NLRC5: variants seen among roughly 807,000 people sequenced by gnomAD.
NLRC5 encodes the protein NLR family CARD domain containing 5.
A neutral mutation model predicts 206.9 loss-of-function variants in NLRC5; 114 were observed. The ratio of observed to expected loss-of-function variants is 0.55; its 90% CI spans 0.47 to 0.64. The LOEUF is 0.64. NLRC5 is among the 30% of genes least tolerant of loss of function. The pLI is 0.00. For missense variants in NLRC5, 2,008 were observed against 2,305.5 expected, an observed-to-expected ratio of 0.87 and a Z score of 2.64; for synonymous variants, 952 against 962.8, an observed-to-expected ratio of 0.99 and a Z score of 0.21.
intron 38 of NLRC5, among the ~76,000 whole-genome samples, chr16:57,073,589 C>T (rs1167304498): frequency 1.3e-5 from 2 of 152,118 alleles, no homozygotes; most frequent in Non-Finnish European, 2.9e-5. Context: ...GCTTCTGCCT[C>T]TTATTTTATT....
chr16:57,058,904 A>T, intron 28 of NLRC5, 68 bp from the exon 29 acceptor site: 2 of 1,291,490 alleles, frequency 1.5e-6, no homozygotes, highest in Non-Finnish European at 2.3e-6. Flanking sequence ...AGGGAGATGG[A>T]GGGGGCTGGG....
At chr16:57,075,193 G>A (rs1009344676) in intron 39 of NLRC5, among the ~76,000 whole-genome samples, 29 of 151,946 alleles carry the variant, frequency 1.9e-4, no homozygotes, top group Admixed American at 4.6e-4. Flanking sequence ...GGCCTAAGGC[G>A]TTGCACCCAA....
chr16:57,018,318 T>C (rs1334921604), intron 2 of NLRC5, among the ~76,000 whole-genome samples: 1 of 152,252 alleles, frequency 6.6e-6, no homozygotes, highest in East Asian at 1.9e-4. Flanking sequence ...GGAAATTTAC[T>C]GGCCTGGGAG....
intron 21 of NLRC5, 31 bp from the exon 22 acceptor site, chr16:57,046,521 A>G (rs972108131): frequency 8.1e-6 from 13 of 1,596,124 alleles, no homozygotes; most frequent in Admixed American, 1.7e-5. Flanking sequence ...GGGTGATCTG[A>G]ACTTTCCTTT....
intron 45 of NLRC5, 120 bp downstream of exon 45, chr16:57,079,412 G>A: frequency 8.0e-6 from 11 of 1,381,748 alleles, no homozygotes; most frequent in Non-Finnish European, 1.0e-5. Context: ...GATGGTGGGG[G>A]CCTGGCTCAA....
chr16:57,028,942 C>T (rs1299641695), intron 8 of NLRC5, among the ~76,000 whole-genome samples: 1 of 152,164 alleles, frequency 6.6e-6, no homozygotes, highest in Admixed American at 6.5e-5. Context: ...GGACTCAGTA[C>T]CATGGGGAGG....
rs748026448 is a variant in NLRC5 at position 57,026,207 on chromosome 16, G to A, written c.1264G>A (p.Asp422Asn). ...TCTCTGCCTCCACCATCTGCTTCCT[G>A]ACCACGCCCCAGGCCAGTCTGTGGC... is the stretch of plus-strand genomic sequence containing the variant. ...ACLCLHHLLPDHAPGQSVALL... is the reference protein window; with the variant it reads ...ACLCLHHLLPNHAPGQSVALL... The change falls in exon 6 of 49, where the codon GAC (aspartate) becomes AAC (asparagine). Residue 422 changes from aspartate (D) to asparagine (N), a missense_variant. Coordinates refer to ENST00000688547, the MANE Select transcript of NLRC5 (RefSeq NM_001384950.1). 6.2e-7 allele frequency: 1 copy of A among 1,613,560 alleles called. No homozygotes were observed. Among genetic ancestry groups the A allele is most frequent in the African/African-American group, 1.3e-5 (1 of 74,912 alleles).
intron 10 of NLRC5, among the ~76,000 whole-genome samples, chr16:57,030,667 A>G (rs564776065): frequency 6.6e-6 from 1 of 151,468 alleles, no homozygotes; most frequent in South Asian, 2.1e-4. Flanking sequence ...TGGATGGATG[A>G]AGGAATGAGT....
At chr16:57,045,247 T>C (rs2063792245) in intron 20 of NLRC5, 1 of 589,626 alleles carries the variant, frequency 1.7e-6, no homozygotes, top group Non-Finnish European at 3.1e-6. Context: ...TCATTGTTTA[T>C]TGTGAGAATC....
At chr16:57,003,140 G>T (rs1016820864) in intron 1 of NLRC5, among the ~76,000 whole-genome samples, 5 of 151,978 alleles carry the variant, frequency 3.3e-5, no homozygotes, top group Admixed American at 2.0e-4. Context: ...GCTCACTGCC[G>T]CCTCCGTCTC....
rs1216780645 is a variant in NLRC5, at chr16:57,022,249, C to T, written c.296-7C>T. 3.1e-6 allele frequency: 5 copies of T among 1,610,836 alleles called. No homozygotes were observed. Among genetic ancestry groups the T allele is most frequent in the Middle Eastern group, 1.6e-4 (1 of 6,076 alleles). Reference sequence around the variant, plus strand: ...CATACCACATTATACTCTCCCCTCTCTTGCAGGGTTCACCAGCCAGCTGGG... The same window carrying T: ...CATACCACATTATACTCTCCCCTCTTTTGCAGGGTTCACCAGCCAGCTGGG... On this transcript the variant is annotated splice_region_variant and splice_polypyrimidine_tract_variant and intron_variant, in intron 3 of 48. Coordinates refer to ENST00000688547, the MANE Select transcript of NLRC5 (RefSeq NM_001384950.1).
intron 24 of NLRC5, chr16:57,052,555 G>A (rs56107702): frequency 0.077 from 11,678 of 152,202 alleles, 522 homozygotes; most frequent in African/African-American, 0.11. Flanking sequence ...GGGAGGCGGG[G>A]TGGGAAGCAG....
intron 48 of NLRC5, 87 bp from the exon 49 acceptor site, chr16:57,082,330 C>T (rs1372966310): frequency 1.9e-6 from 2 of 1,062,744 alleles, no homozygotes; most frequent in Non-Finnish European, 2.8e-6. Flanking sequence ...ACAGCTCTAC[C>T]TTTTTGGGCC....
intron 27 of NLRC5, among the ~76,000 whole-genome samples, chr16:57,057,025 G>A (rs779390795): frequency 2.6e-5 from 4 of 152,096 alleles, no homozygotes; most frequent in Non-Finnish European, 5.9e-5. Flanking sequence ...TTTAAATGAC[G>A]TTTCTCAGGA....
At position 57,081,193 on chromosome 16, in the gene NLRC5, C is replaced by T. The variant is rs200861047; in HGVS notation, c.5405+12C>T. 14 of 1,538,616 alleles carry T rather than the reference C, an allele frequency of 9.1e-6. No homozygotes were observed. The highest frequency in any genetic ancestry group is 2.7e-5 in the African/African-American group (2 of 73,170). ...CTGAAGAGAGTGGAGTATGAGGGGCCGGGGGAGGAATGGGACGGGCTAAAG... is the reference window on the plus strand; with the variant it reads ...CTGAAGAGAGTGGAGTATGAGGGGCTGGGGGAGGAATGGGACGGGCTAAAG... On this transcript the variant is annotated intron_variant, in intron 47 of 48. Transcript: ENST00000688547.
chr16:57,079,511 C>T (rs992052798), intron 45 of NLRC5, 35 bp from the exon 46 acceptor site: 2 of 1,581,404 alleles, frequency 1.3e-6, no homozygotes, highest in Non-Finnish European at 1.7e-6. Context: ...ACTCAAACAA[C>T]CCCCATCCCA....
intron 24 of NLRC5, 54 bp downstream of exon 24, chr16:57,051,675 C>A: frequency 6.9e-7 from 1 of 1,441,818 alleles, no homozygotes; most frequent in Non-Finnish European, 9.8e-7. Flanking sequence ...GTTTCTAAGG[C>A]TCCTCCATGG....
intron 19 of NLRC5, among the ~76,000 whole-genome samples, chr16:57,043,199 G>T (rs1162031813): frequency 6.6e-6 from 1 of 152,122 alleles, no homozygotes; most frequent in East Asian, 1.9e-4. Flanking sequence ...TCCCTTATCA[G>T]GTGGAGAAAA....
At position 57,023,823 on chromosome 16, in the gene NLRC5, C is replaced by A. The variant is rs759573936; in HGVS notation, c.394C>A (p.Arg132Ser). 6.2e-7 allele frequency: 1 copy of A among 1,612,062 alleles called. No homozygotes were observed. Among genetic ancestry groups the A allele is most frequent in the Admixed American group, 1.7e-5 (1 of 59,816 alleles). The part of the protein sequence containing the change: ...RPHQSCGSSP[R>S]RKQCKKQQLE... ...ACATCAGAGCTGTGGGTCCTCACCC[C>A]GCCGGAAGCAGTGCAAGAAGCAGCA... The change falls in exon 5 of 49, where the codon CGC becomes AGC. Residue 132 changes from arginine to serine, a missense_variant. Coordinates refer to ENST00000688547, the MANE Select transcript of NLRC5 (RefSeq NM_001384950.1).
Sources: gnomAD v4.1 joint callset for allele counts (sites outside exome capture counted in the v4.1 genomes callset) on GRCh38, gnomAD v4.1.1 for gene constraint, MANE v1.5 for transcripts, NCBI Gene and HGNC (gene_info 2026-07-23, HGNC 2026-07-21) for gene names.